PARD3B: variants seen among roughly 807,000 people sequenced by gnomAD.
PARD3B encodes the protein partitioning defective 3 homolog B.
A neutral mutation model predicts 130.2 loss-of-function variants in PARD3B; 103 were observed. The ratio of observed to expected loss-of-function variants is 0.79; its 90% CI spans 0.67 to 0.93. The LOEUF is 0.93. Ranked by LOEUF, PARD3B falls within the 40% of genes least tolerant of loss-of-function variation. The pLI, the probability that PARD3B is intolerant of heterozygous loss-of-function variation, is 0.00. For synonymous variants in PARD3B, 583 were observed against 553.2 expected (o/e 1.05, Z -0.76); for missense variants, 1,609 against 1,499.2 (o/e 1.07, Z -1.21).
intron 20 of PARD3B, among the ~76,000 whole-genome samples, chr2:205,465,289 C>T (rs1299761964): frequency 6.6e-6 from 1 of 152,066 alleles, no homozygotes; most frequent in Non-Finnish European, 1.5e-5. Flanking sequence ...ATCCTCCTGA[C>T]AATCTGATCT....
In PARD3B at chr2:205,229,619, G is replaced by A. The variant is rs2038730286; in HGVS notation, c.2141-16159G>A. ...CTGTTTGGGGTCAGACCTGAAGGCA[G>A]CACAGCACTGGGTCTCTCCCTAGGC... is the stretch of plus-strand genomic sequence containing the variant. On this transcript the variant is annotated intron_variant, in intron 15 of 22. Transcript: ENST00000406610. The surrounding 1 kb of genome is among the most constrained non-coding windows in gnomAD (Gnocchi z 5.2). 6.6e-6 allele frequency among the ~76,000 whole-genome samples: 1 copy of A among 152,076 alleles called. No individual in the cohort carries two copies. Among genetic ancestry groups the A allele is most frequent in the Non-Finnish European group, 1.5e-5 (1 of 68,018 alleles).
At position 205,615,807 on chromosome 2, in the gene PARD3B, C is replaced by G. The variant is rs189636489; in HGVS notation, c.3612C>G (p.Ala1204=). 1 of 1,610,558 alleles carries G rather than the reference C, an allele frequency of 6.2e-7. No homozygotes were observed. Among genetic ancestry groups the G allele is most frequent in the Non-Finnish European group, 8.5e-7 (1 of 1,178,092 alleles). Residue 1204 remains alanine, a synonymous_variant, in exon 23 of 23, where the codon GCC becomes GCG. Transcript: ENST00000406610. ...GGCAGAAGAACCCCATGACTGCAGC[C>G]GTATAGCTGAGTGCCACCGAGGCCA... ...DSRQKNPMTA[A]V
chr2:204,710,102 T>G (rs996537761), intron 2 of PARD3B, among the ~76,000 whole-genome samples: 1 of 152,228 alleles, frequency 6.6e-6, no homozygotes, highest in Non-Finnish European at 1.5e-5. Flanking sequence ...AAATAAGATT[T>G]CAGAAAAATT....
intron 1 of PARD3B, among the ~76,000 whole-genome samples, chr2:204,684,563 G>A (rs533101350): frequency 7.9e-5 from 12 of 152,238 alleles, no homozygotes; most frequent in Admixed American, 2.6e-4. Flanking sequence ...TTGTCCAGTG[G>A]CCATTACATA....
intron 2 of PARD3B, among the ~76,000 whole-genome samples, chr2:204,742,064 A>G (rs114525123): frequency 0.018 from 2,711 of 152,274 alleles, 36 homozygotes; most frequent in Middle Eastern, 0.071. Context: ...GCAGTCTTTT[A>G]ATAAGCTATG....
chr2:204,912,221 T>C (rs994422788), intron 2 of PARD3B, among the ~76,000 whole-genome samples: 2 of 152,222 alleles, frequency 1.3e-5, no homozygotes, highest in African/African-American at 4.8e-5. Context: ...GCAAATTTCA[T>C]AGATTAACAT....
intron 16 of PARD3B, among the ~76,000 whole-genome samples, chr2:205,283,792 T>C (rs2041282049): frequency 6.6e-6 from 1 of 152,214 alleles, no homozygotes; most frequent in African/African-American, 2.4e-5. Flanking sequence ...TACATTCACA[T>C]TGTTGTGCAG....
intron 4 of PARD3B, among the ~76,000 whole-genome samples, chr2:205,056,759 A>G (rs1487428575): frequency 1.8e-4 from 28 of 152,004 alleles, no homozygotes; most frequent in Non-Finnish European, 3.2e-4. Flanking sequence ...ATAAAGGAAT[A>G]TCCTTTGAAA....
intron 15 of PARD3B, among the ~76,000 whole-genome samples, chr2:205,204,646 C>G (rs1173697033): frequency 1.3e-5 from 2 of 152,042 alleles, no homozygotes; most frequent in Non-Finnish European, 2.9e-5. Context: ...AGGAAGGAGT[C>G]CAGTTTCAGT....
At chr2:204,888,265 A>G (rs2046328504) in intron 2 of PARD3B, among the ~76,000 whole-genome samples, 1 of 152,202 alleles carries the variant, frequency 6.6e-6, no homozygotes, top group Non-Finnish European at 1.5e-5. Context: ...AGTGTTCCCA[A>G]CAGAGAATAT....
chr2:205,603,469 TATC>T, intron 22 of PARD3B, among the ~76,000 whole-genome samples: 1 of 152,202 alleles, frequency 6.6e-6, no homozygotes. Flanking sequence ...CTCCTACTAT[TATC>T]ATGTGGGAGT....
chr2:204,898,018 G>A (rs959593977), intron 2 of PARD3B, among the ~76,000 whole-genome samples: 3 of 152,008 alleles, frequency 2.0e-5, no homozygotes, highest in Middle Eastern at 3.4e-3. Context: ...TCTGAAGGTG[G>A]TAGTAATGAT....
chr2:205,053,241 C>T (rs149170333), intron 4 of PARD3B, among the ~76,000 whole-genome samples: 606 of 151,956 alleles, frequency 4.0e-3, no homozygotes, highest in African/African-American at 0.012. Flanking sequence ...AAGAAATCAC[C>T]GAGATATTAC....
intron 2 of PARD3B, among the ~76,000 whole-genome samples, chr2:204,918,015 A>G (rs894991025): frequency 6.6e-6 from 1 of 152,226 alleles, no homozygotes; most frequent in Non-Finnish European, 1.5e-5. Context: ...AAAGTTTACA[A>G]AATTAAGAAA....
At chr2:204,766,926 G>C (rs1345432955) in intron 2 of PARD3B, among the ~76,000 whole-genome samples, 1 of 148,920 alleles carries the variant, frequency 6.7e-6, no homozygotes, top group Non-Finnish European at 1.5e-5. Context: ...GTCTGGACTG[G>C]AGTATTCTGC....
intron 2 of PARD3B, among the ~76,000 whole-genome samples, chr2:204,882,738 C>T (rs1054108600): frequency 2.6e-5 from 4 of 152,182 alleles, no homozygotes; most frequent in Non-Finnish European, 5.9e-5. Flanking sequence ...ATTAGAAATA[C>T]AAAATCTTGC....
At chr2:204,635,492 C>G (rs988343116) in intron 1 of PARD3B, among the ~76,000 whole-genome samples, 1 of 152,142 alleles carries the variant, frequency 6.6e-6, no homozygotes, top group Non-Finnish European at 1.5e-5. Flanking sequence ...AATGTATCTT[C>G]GTTCCTCAGG....
intron 3 of PARD3B, among the ~76,000 whole-genome samples, chr2:205,006,756 A>G (rs1223358244): frequency 3.9e-5 from 6 of 152,028 alleles, no homozygotes; most frequent in Admixed American, 6.6e-5. Context: ...CTCCAACTCC[A>G]TGGGTTGTCT....
At chr2:205,335,313 G>A (rs1294629854) in intron 18 of PARD3B, among the ~76,000 whole-genome samples, 1 of 152,122 alleles carries the variant, frequency 6.6e-6, no homozygotes, top group Non-Finnish European at 1.5e-5. Context: ...ATGTCCACTG[G>A]CTCTTGTATA....
Sources: gnomAD v4.1 joint callset for allele counts (sites outside exome capture counted in the v4.1 genomes callset) on GRCh38, gnomAD v4.1.1 for gene constraint, Gnocchi (gnomAD v3.1) non-coding constraint, MANE v1.5 for transcripts, NCBI Gene and HGNC (gene_info 2026-07-23, HGNC 2026-07-21) for gene names.